The following NLK variants were observed in gnomAD, a reference collection of about 807,000 sequenced individuals.
NLK encodes nemo like kinase, also known as serine/threonine-protein kinase NLK.
NLK carries 11 observed loss-of-function variants against 59.0 expected under a neutral mutation model. The ratio of observed to expected loss-of-function variants is 0.19; its 90% CI spans 0.12 to 0.31. The LOEUF (loss-of-function observed/expected upper bound fraction) is 0.31. Among genes scored for constraint, NLK ranks in the 10% least tolerant of loss-of-function variants. The pLI is 1.00. For synonymous variants in NLK, 235 were observed against 235.9 expected, an observed-to-expected ratio of 1.00 and a Z score of 0.03; for missense variants, 410 against 661.1, an observed-to-expected ratio of 0.62 and a Z score of 4.16.
intron 1 of NLK, among the ~76,000 whole-genome samples, chr17:28,121,711 C>G (rs1354907513): frequency 1.3e-5 from 2 of 151,694 alleles, no homozygotes; most frequent in Non-Finnish European, 2.9e-5. Context: ...GTTGGCCAGG[C>G]TGGTCTCAAA....
At chr17:28,196,977 T>G (rs1909499581), downstream of NLK, among the ~76,000 whole-genome samples, 1 of 152,242 alleles carries the variant, frequency 6.6e-6, no homozygotes, top group Admixed American at 6.5e-5. Flanking sequence ...TTTTTTTTCC[T>G]GACATTGAGG....
Position 28,195,435 on chromosome 17 carries a change from C to T in NLK, c.*799C>T, listed in dbSNP as rs780155981. 1.9e-4 allele frequency: 29 copies of T among 152,248 alleles called. No individual in the cohort carries two copies. Among genetic ancestry groups the T allele is most frequent in the Non-Finnish European group, 7.4e-5 (5 of 67,992 alleles). 9.4% of individuals were successfully genotyped at this position (152,248 alleles called of 1,614,324 possible). A position where few individuals can be genotyped will look rare whatever the true frequency, so the allele number is the denominator to read the frequency against. ...AAATAATTCATTTCTGGGCTAATTT[C>T]AAAAGAATCCCAATATTGCTGTATA... On this transcript the variant is annotated 3_prime_UTR_variant, in exon 11 of 11. Coordinates refer to ENST00000407008, the MANE Select transcript of NLK (RefSeq NM_016231.5).
intron 3 of NLK, among the ~76,000 whole-genome samples, chr17:28,148,047 A>G (rs970793693): frequency 1.3e-5 from 2 of 152,194 alleles, no homozygotes; most frequent in Non-Finnish European, 2.9e-5. Flanking sequence ...AATGCAAATA[A>G]ATACCTCAGT....
chr17:28,195,010 C>CACACAA lies in NLK; in HGVS notation c.*382_*387dup, dbSNP rs1555567559. ...ACACACACACACACACACACACACA[C>CACACAA]ACACAAACACAAAGGACAGTCATAC... On this transcript the variant is annotated 3_prime_UTR_variant, in exon 11 of 11. Coordinates refer to ENST00000407008, the MANE Select transcript of NLK (RefSeq NM_016231.5). The CACACAA allele has an allele frequency of 7.0e-4, 116 of 164,768 alleles. No homozygotes were observed. The highest frequency in any genetic ancestry group is 2.0e-3 in the Admixed American group (32 of 15,686). The allele number at this position is 164,768 out of a possible 1,614,324, so 10.2% of individuals were successfully genotyped here.
At chr17:28,132,970 A>T (rs1420522284) in intron 3 of NLK, among the ~76,000 whole-genome samples, 2 of 152,220 alleles carry the variant, frequency 1.3e-5, no homozygotes, top group African/African-American at 4.8e-5. Flanking sequence ...CCAGTGAGGC[A>T]GCTGTGTTGT....
chr17:28,177,565 C>T (rs1908734131), intron 7 of NLK, among the ~76,000 whole-genome samples: 1 of 152,204 alleles, frequency 6.6e-6, no homozygotes, highest in Non-Finnish European at 1.5e-5. Flanking sequence ...GCTCCGCTTT[C>T]CTGTGTTCTG....
At chr17:28,151,752 C>A (rs1281395628) in intron 3 of NLK, among the ~76,000 whole-genome samples, 1 of 152,100 alleles carries the variant, frequency 6.6e-6, no homozygotes, top group Non-Finnish European at 1.5e-5. Context: ...ATAAAAGTAG[C>A]ATTATTTTAA....
chr17:28,184,736 T>C (rs1359988554), intron 7 of NLK, among the ~76,000 whole-genome samples: 1 of 152,028 alleles, frequency 6.6e-6, no homozygotes, highest in African/African-American at 2.4e-5. Flanking sequence ...TCACTTGAGG[T>C]CAGGGGTTCG....
chr17:28,093,041 C>A (rs941170123), intron 1 of NLK, among the ~76,000 whole-genome samples: 1 of 152,098 alleles, frequency 6.6e-6, no homozygotes, highest in African/African-American at 2.4e-5. Context: ...GATCCACCCA[C>A]CTTGGCCCCC....
At chr17:28,188,980 GACACACACACACAC>G (rs57423093) in intron 8 of NLK, among the ~76,000 whole-genome samples, 3 of 142,534 alleles carry the variant, frequency 2.1e-5, no homozygotes, top group Non-Finnish European at 3.1e-5. Flanking sequence ...GACAAACACA[GACACACACACACAC>G]ACACACACAC....
chr17:28,185,746 C>T (rs1301353960), intron 8 of NLK, among the ~76,000 whole-genome samples: 2 of 152,078 alleles, frequency 1.3e-5, no homozygotes, highest in African/African-American at 4.8e-5. Context: ...ACTATATTGC[C>T]CAGGCTGGTT....
rs543660830 is a variant in NLK at position 28,068,213 on chromosome 17, A to G, written c.458+24882A>G. Among the ~76,000 whole-genome samples, 16 of 151,428 alleles carry G rather than the reference A, an allele frequency of 1.1e-4. No individual in the cohort carries two copies. In the East Asian group the frequency reaches 2.9e-3, roughly 28 times the overall value. ...TTGTTGAAAAGTTTGTCCTTTCTCCATTGATTTGCCTTTATACTTTTCTCA... is the reference window on the plus strand; with the variant it reads ...TTGTTGAAAAGTTTGTCCTTTCTCCGTTGATTTGCCTTTATACTTTTCTCA... On this transcript the variant is annotated intron_variant, in intron 1 of 10. Transcript: ENST00000407008.
chr17:28,070,386 C>A (rs1297847496), intron 1 of NLK, among the ~76,000 whole-genome samples: 1 of 135,256 alleles, frequency 7.4e-6, no homozygotes, highest in African/African-American at 2.8e-5. Context: ...GACGGAATCT[C>A]GCCCTGTTGC....
chr17:28,066,121 C>CAGGTG (rs1315005912), intron 1 of NLK, among the ~76,000 whole-genome samples: 1 of 152,132 alleles, frequency 6.6e-6, no homozygotes, highest in Non-Finnish European at 1.5e-5. Context: ...CCACTATTAT[C>CAGGTG]TTCTTTCAGG....
intron 1 of NLK, among the ~76,000 whole-genome samples, chr17:28,098,081 TTTC>T (rs1260481671): frequency 6.6e-6 from 1 of 152,206 alleles, no homozygotes; most frequent in Admixed American, 6.5e-5. Context: ...ACTGTGCCCT[TTTC>T]TTTTTATAGA....
chr17:28,199,703 AAAAAC>A (rs1400658118), downstream of NLK, among the ~76,000 whole-genome samples: 1 of 151,358 alleles, frequency 6.6e-6, no homozygotes, highest in African/African-American at 2.4e-5. Flanking sequence ...AACAAAAAAA[AAAAAC>A]AACTAGATAA....
chr17:28,086,177 C>A (rs758924455), intron 1 of NLK, among the ~76,000 whole-genome samples: 1 of 151,974 alleles, frequency 6.6e-6, no homozygotes, highest in Non-Finnish European at 1.5e-5. Context: ...TCAAAAGATA[C>A]GAAAGGATTT....
chr17:28,177,782 C>T (rs1033378785), intron 7 of NLK, among the ~76,000 whole-genome samples: 3 of 152,098 alleles, frequency 2.0e-5, no homozygotes, highest in African/African-American at 4.8e-5. Flanking sequence ...ACATGTTTTC[C>T]TCATATCAAG....
chr17:28,188,667 A>G (rs1241142804), intron 8 of NLK, among the ~76,000 whole-genome samples: 1 of 152,158 alleles, frequency 6.6e-6, no homozygotes, highest in Non-Finnish European at 1.5e-5. Flanking sequence ...TTTTTGGTAG[A>G]AACAGGATTT....
Sources: allele counts gnomAD v4.1 joint callset (sites outside exome capture counted in the v4.1 genomes callset), GRCh38; gene constraint gnomAD v4.1.1; transcripts MANE v1.5; gene names NCBI Gene and HGNC (gene_info 2026-07-23, HGNC 2026-07-21).